The following PTPRM variants were observed in gnomAD, a reference collection of about 807,000 sequenced individuals.
The protein encoded by PTPRM is protein tyrosine phosphatase receptor type M.
A neutral mutation model predicts 186.7 loss-of-function variants in PTPRM; 47 were observed. The ratio of observed to expected loss-of-function variants is 0.25; its 90% CI spans 0.20 to 0.32. The LOEUF (loss-of-function observed/expected upper bound fraction) is 0.32, where lower values mean the gene tolerates loss of function less well. PTPRM is among the 10% of genes least tolerant of loss of function. The probability of loss-of-function intolerance (pLI) is 1.00; values close to 1 mark genes in which losing one functional copy is unlikely to be tolerated. For synonymous variants in PTPRM, 668 were observed against 674.9 expected (o/e 0.99, Z 0.16); for missense variants, 1,494 against 1,865.0 (o/e 0.80, Z 3.66).
At chr18:8,266,460 G>A (rs1341995735) in intron 19 of PTPRM, among the ~76,000 whole-genome samples, 7 of 151,668 alleles carry the variant, frequency 4.6e-5, no homozygotes, top group Admixed American at 1.3e-4. Context: ...GTATAAATTC[G>A]TATTATTGTC....
At chr18:7,708,397 A>T (rs2040141545) in intron 1 of PTPRM, among the ~76,000 whole-genome samples, 1 of 152,154 alleles carries the variant, frequency 6.6e-6, no homozygotes, top group African/African-American at 2.4e-5. Flanking sequence ...TTTCTGTGTA[A>T]TTTGCTATAG....
chr18:8,249,504 T>C (rs2094507874), intron 17 of PTPRM, among the ~76,000 whole-genome samples: 1 of 152,204 alleles, frequency 6.6e-6, no homozygotes, highest in African/African-American at 2.4e-5. Flanking sequence ...ACCAGAACAA[T>C]GTAATCTACA....
At chr18:7,774,989 C>G (rs967446956) in intron 2 of PTPRM, among the ~76,000 whole-genome samples, 1 of 152,192 alleles carries the variant, frequency 6.6e-6, no homozygotes, top group African/African-American at 2.4e-5. Context: ...TTGCTCCACT[C>G]AGGATTCAAA....
rs564858408 is a variant in PTPRM at position 7,638,276 on chromosome 18, A to G, written c.73+70385A>G. Among the ~76,000 whole-genome samples the G allele has an allele frequency of 2.0e-4, 30 of 152,354 alleles. No homozygotes were observed. In the South Asian group the frequency reaches 6.0e-3, roughly 31 times the overall value. On this transcript the variant is annotated intron_variant, in intron 1 of 32. Coordinates refer to ENST00000580170, the MANE Select transcript of PTPRM (RefSeq NM_001105244.2). ...GTAAGAGGAGAGTGTTTTACAGAAG[A>G]TGAAGACTAATAATTTCAACTTCAT...
At chr18:8,093,302 A>G (rs1322771315) in intron 11 of PTPRM, among the ~76,000 whole-genome samples, 1 of 152,052 alleles carries the variant, frequency 6.6e-6, no homozygotes. Context: ...ATGAGGTGAT[A>G]TTATTTAACA....
intron 19 of PTPRM, among the ~76,000 whole-genome samples, chr18:8,285,051 G>A (rs1259629233): frequency 6.6e-6 from 1 of 152,064 alleles, no homozygotes; most frequent in Non-Finnish European, 1.5e-5. Flanking sequence ...TATAGTCTGG[G>A]GAGGACAGAG....
chr18:7,883,961 T>TAAG (rs2048635104), intron 2 of PTPRM, among the ~76,000 whole-genome samples: 1 of 151,820 alleles, frequency 6.6e-6, no homozygotes, highest in Non-Finnish European at 1.5e-5. Flanking sequence ...GGCAACATAG[T>TAAG]AAGACCCTCT....
chr18:8,234,435 C>A (rs2147185322), intron 14 of PTPRM, among the ~76,000 whole-genome samples: 1 of 152,242 alleles, frequency 6.6e-6, no homozygotes, highest in South Asian at 2.1e-4. Flanking sequence ...AACCTGGTAT[C>A]CTGCAACCTT....
chr18:8,068,150 T>A (rs1270861871), intron 7 of PTPRM, among the ~76,000 whole-genome samples: 1 of 152,212 alleles, frequency 6.6e-6, no homozygotes, highest in East Asian at 1.9e-4. Context: ...TTTACAGGAT[T>A]ATTTTGAGGA....
chr18:7,998,865 G>A (rs551370802), intron 7 of PTPRM, among the ~76,000 whole-genome samples: 8 of 152,244 alleles, frequency 5.3e-5, no homozygotes, highest in African/African-American at 1.4e-4. Context: ...ATGCTGGTAA[G>A]GCTGATCTCA....
chr18:7,877,956 G>A (rs1259426848), intron 2 of PTPRM, among the ~76,000 whole-genome samples: 1 of 152,124 alleles, frequency 6.6e-6, no homozygotes, highest in East Asian at 1.9e-4. Context: ...CTCTGCTGTT[G>A]GGATGCTGTG....
intron 1 of PTPRM, among the ~76,000 whole-genome samples, chr18:7,758,989 T>C (rs2041641081): frequency 6.6e-6 from 1 of 152,130 alleles, no homozygotes; most frequent in Non-Finnish European, 1.5e-5. Context: ...TGATCAGGGA[T>C]GTGTTTCCTG....
At chr18:8,361,359 T>G (rs1035132285) in intron 23 of PTPRM, among the ~76,000 whole-genome samples, 5 of 152,212 alleles carry the variant, frequency 3.3e-5, no homozygotes, top group Non-Finnish European at 5.9e-5. Context: ...TACTGAGTGC[T>G]GTTCCCTTCT....
chr18:8,022,181 G>A (rs1487460458), intron 7 of PTPRM, among the ~76,000 whole-genome samples: 1 of 152,076 alleles, frequency 6.6e-6, no homozygotes, highest in Non-Finnish European at 1.5e-5. Flanking sequence ...CTCTCTGAGG[G>A]CTGTCCCAGG....
intron 13 of PTPRM, among the ~76,000 whole-genome samples, chr18:8,130,746 T>A (rs533149494): frequency 1.3e-5 from 2 of 152,302 alleles, no homozygotes; most frequent in Admixed American, 1.3e-4. Flanking sequence ...CTAACTGTGA[T>A]TTTAAAAGGG....
intron 20 of PTPRM, among the ~76,000 whole-genome samples, chr18:8,311,309 C>CAA (rs576825540): frequency 8.6e-5 from 11 of 127,464 alleles, no homozygotes; most frequent in African/African-American, 8.7e-5. Flanking sequence ...AACTCCGTCT[C>CAA]AAAAAAAAAA....
intron 19 of PTPRM, among the ~76,000 whole-genome samples, chr18:8,282,535 G>T (rs775137133): frequency 1.2e-4 from 19 of 152,012 alleles, no homozygotes; most frequent in Non-Finnish European, 2.5e-4. Flanking sequence ...GGTGGTGGCC[G>T]CCTGTAATCC....
At chr18:8,319,464 G>A (rs1423656744) in intron 22 of PTPRM, among the ~76,000 whole-genome samples, 1 of 152,194 alleles carries the variant, frequency 6.6e-6, no homozygotes, top group Non-Finnish European at 1.5e-5. Flanking sequence ...TACCTTAGGA[G>A]TAAGTTGGAC....
chr18:7,907,438 C>T (rs2050046196), intron 4 of PTPRM, among the ~76,000 whole-genome samples: 1 of 152,196 alleles, frequency 6.6e-6, no homozygotes, highest in Non-Finnish European at 1.5e-5. Context: ...ACGCAAGCAG[C>T]CACAGCAACC....
Sources: allele counts gnomAD v4.1 joint callset (sites outside exome capture counted in the v4.1 genomes callset), GRCh38; gene constraint gnomAD v4.1.1; transcripts MANE v1.5; gene names NCBI Gene and HGNC (gene_info 2026-07-23, HGNC 2026-07-21).